Variants in NKD1 observed in about 807,000 individuals in gnomAD.
The protein encoded by NKD1 is protein naked cuticle homolog 1.
NKD1 carries 21 observed loss-of-function variants against 56.0 expected under a neutral mutation model. That is an observed-to-expected ratio of 0.38 (90% confidence interval 0.27 to 0.54). The LOEUF is 0.54. Ranked by LOEUF, NKD1 falls within the 20% of genes least tolerant of loss-of-function variation. The pLI is 0.82. For missense variants in NKD1, 578 were observed against 642.7 expected (o/e 0.90, Z 1.09); for synonymous variants, 263 against 265.7 (o/e 0.99, Z 0.10).
Position 50,639,822 on chromosome 16 carries a change from T to A in NKD1, c.*6041T>A, listed in dbSNP as rs992823005. ...CCTGGTGCATGGACCACACACTCTC[T>A]TCCCTCCTCTGGCTCAGGACTACGG... is the stretch of plus-strand genomic sequence containing the variant. On this transcript the variant is annotated 3_prime_UTR_variant, in exon 10 of 10. Transcript: ENST00000268459. 5.3e-5 allele frequency: 8 copies of A among 152,266 alleles called. No individual in the cohort carries two copies. The highest frequency in any genetic ancestry group is 1.9e-4 in the African/African-American group (8 of 41,446). 9.4% of individuals were successfully genotyped at this position (152,266 alleles called of 1,614,324 possible). A position where few individuals can be genotyped will look rare whatever the true frequency, so the allele number is the denominator to read the frequency against.
intron 3 of NKD1, among the ~76,000 whole-genome samples, chr16:50,578,315 GC>G: frequency 6.6e-6 from 1 of 152,322 alleles, no homozygotes; most frequent in Non-Finnish European, 1.5e-5. Context: ...TGAAAGAGGT[GC>G]TGGGAAATGT....
chr16:50,576,942 C>T lies in NKD1; in HGVS notation c.192+27387C>T, dbSNP rs142953890. ...TCAGTGATGAGAGGCCCCTGCTGGG[C>T]CCTGTGAGACTGCACTGATGGATGG... On this transcript the variant is annotated intron_variant, in intron 3 of 9. Coordinates refer to ENST00000268459, the MANE Select transcript of NKD1 (RefSeq NM_033119.5). Among the ~76,000 whole-genome samples, 373 of 152,288 alleles carry T rather than the reference C, an allele frequency of 2.4e-3. 1 individual carries two copies. The highest frequency in any genetic ancestry group is 3.9e-3 in the Non-Finnish European group (262 of 68,034).
At chr16:50,604,013 G>T (rs1234848638) in intron 3 of NKD1, among the ~76,000 whole-genome samples, 1 of 152,252 alleles carries the variant, frequency 6.6e-6, no homozygotes, top group Non-Finnish European at 1.5e-5. Context: ...TGGAGACCCA[G>T]GAAGGTCTTT....
chr16:50,579,229 G>A (rs1961057303), intron 3 of NKD1, among the ~76,000 whole-genome samples: 1 of 149,432 alleles, frequency 6.7e-6, no homozygotes, highest in African/African-American at 2.5e-5. Context: ...CGCCACGCAT[G>A]CACTGTCTTA....
chr16:50,630,146 A>C lies in NKD1; in HGVS notation c.463-40A>C, dbSNP rs879077087. 9 of 1,602,638 alleles carry C rather than the reference A, an allele frequency of 5.6e-6. No homozygotes were observed. The South Asian group carries it at 7.8e-5, about 14-fold the overall frequency. On this transcript the variant is annotated intron_variant, in intron 6 of 9. Coordinates refer to ENST00000268459, the MANE Select transcript of NKD1 (RefSeq NM_033119.5). ...TGGTTTGTATTTTCAAGGCCCTGTG[A>C]CTGAAACCCTGCATGGGTCTCCGCT...
intron 4 of NKD1, among the ~76,000 whole-genome samples, chr16:50,616,590 G>T (rs1372889401): frequency 6.6e-6 from 1 of 152,192 alleles, no homozygotes; most frequent in Non-Finnish European, 1.5e-5. Flanking sequence ...GTGCACGTAT[G>T]GGAAGTGCTA....
In NKD1 at chr16:50,633,351, T is replaced by A. The variant is rs1962390646; in HGVS notation, c.983T>A (p.Val328Asp). 2 of 1,613,730 alleles carry A rather than the reference T, an allele frequency of 1.2e-6. No homozygotes were observed. Among genetic ancestry groups the A allele is most frequent in the African/African-American group, 1.3e-5 (1 of 74,796 alleles). The change falls in exon 10 of 10, where the codon GTC (valine) becomes GAC (aspartate). Residue 328 changes from valine to aspartate, a missense_variant. Transcript: ENST00000268459. The surrounding 1 kb of genome is among the most constrained non-coding windows in gnomAD (Gnocchi z 4.9). ...FHFLDTPIAK[V>D]SELQQRLRGT... ...TTCCTTGACACCCCAATCGCCAAGGTCTCAGAGCTCCAGCAACGGCTCCGG... is the reference window on the plus strand; with the variant it reads ...TTCCTTGACACCCCAATCGCCAAGGACTCAGAGCTCCAGCAACGGCTCCGG...
chr16:50,624,022 G>T (rs1054897483), intron 5 of NKD1, among the ~76,000 whole-genome samples: 1 of 152,064 alleles, frequency 6.6e-6, no homozygotes, highest in African/African-American at 2.4e-5. Flanking sequence ...AAATGGCTTA[G>T]AGCTGCAGCA....
chr16:50,591,807 G>T (rs1961372962), intron 3 of NKD1, among the ~76,000 whole-genome samples: 1 of 152,218 alleles, frequency 6.6e-6, no homozygotes, highest in African/African-American at 2.4e-5. Flanking sequence ...CCTGGGCTGG[G>T]GTGCGAGCCA....
intron 3 of NKD1, among the ~76,000 whole-genome samples, chr16:50,564,053 G>C (rs1417085408): frequency 2.0e-5 from 3 of 152,274 alleles, no homozygotes; most frequent in Admixed American, 6.5e-5. Flanking sequence ...GTGATTCACA[G>C]CAGGTGGTCA....
chr16:50,549,688 C>G (rs559750260), intron 3 of NKD1, 133 bp downstream of exon 3: 8 of 915,038 alleles, frequency 8.7e-6, no homozygotes, highest in African/African-American at 1.7e-5. Flanking sequence ...CTCAGCTGCC[C>G]CCTGCCCCAC....
At chr16:50,582,898 T>C (rs1961147984) in intron 3 of NKD1, among the ~76,000 whole-genome samples, 1 of 152,168 alleles carries the variant, frequency 6.6e-6, no homozygotes, top group Non-Finnish European at 1.5e-5. Context: ...TCCCAGCTAC[T>C]TGGGAGGCTG....
chr16:50,573,978 T>C (rs1960940541), intron 3 of NKD1: 1 of 976,896 alleles, frequency 1.0e-6, no homozygotes, highest in Non-Finnish European at 1.2e-6. Context: ...TATATGTATG[T>C]ATATATAATG....
At chr16:50,589,768 T>C (rs1476858025) in intron 3 of NKD1, among the ~76,000 whole-genome samples, 1 of 77,868 alleles carries the variant, frequency 1.3e-5, no homozygotes, top group Non-Finnish European at 2.5e-5. Context: ...TCTTCTCTCC[T>C]CTCCTCTCCT....
In NKD1 at chr16:50,642,784, G is replaced by A. The variant is rs1180379769; in HGVS notation, c.*9003G>A. 1.3e-5 allele frequency: 2 copies of A among 152,266 alleles called. No homozygotes were observed. The highest frequency in any genetic ancestry group is 1.3e-4 in the Admixed American group (2 of 15,288). The allele number at this position is 152,266 out of a possible 1,614,324, so 9.4% of individuals were successfully genotyped here. A position where few individuals can be genotyped will look rare whatever the true frequency, so the allele number is the denominator to read the frequency against. On this transcript the variant is annotated 3_prime_UTR_variant, in exon 10 of 10. Coordinates refer to ENST00000268459, the MANE Select transcript of NKD1 (RefSeq NM_033119.5). ...GTACCTGTCCTCCACCCCGGCTGCAGAGCCCCCAGTGAGACAGCTGCTGTG... is the reference window on the plus strand; with the variant it reads ...GTACCTGTCCTCCACCCCGGCTGCAAAGCCCCCAGTGAGACAGCTGCTGTG...
At chr16:50,570,560 G>A (rs1251964370) in intron 3 of NKD1, among the ~76,000 whole-genome samples, 1 of 152,200 alleles carries the variant, frequency 6.6e-6, no homozygotes, top group East Asian at 1.9e-4. Context: ...TAACCTCTCT[G>A]TGTCTCTGTT....
Position 50,621,585 on chromosome 16 carries a change from G to T in NKD1, c.260-17G>T. On this transcript the variant is annotated splice_polypyrimidine_tract_variant and intron_variant, in intron 4 of 9. Transcript: ENST00000268459. The stretch of plus-strand genomic sequence containing the variant: ...TGGACCCTGCTCCTAATGCTCCCTC[G>T]CCTGCCTCCCCGACAGTGGCCCTGC... 6.3e-7 allele frequency: 1 copy of T among 1,598,914 alleles called. No individual in the cohort carries two copies. Among genetic ancestry groups the T allele is most frequent in the Non-Finnish European group, 8.6e-7 (1 of 1,167,626 alleles).
At chr16:50,628,321 G>T (rs1412762207) in intron 6 of NKD1, among the ~76,000 whole-genome samples, 1 of 152,202 alleles carries the variant, frequency 6.6e-6, no homozygotes, top group Non-Finnish European at 1.5e-5. Context: ...CAGGGTCAGC[G>T]CCTCTGTCGG....
intron 3 of NKD1, among the ~76,000 whole-genome samples, chr16:50,594,706 C>CCTCTA: frequency 6.6e-6 from 1 of 152,210 alleles, no homozygotes; most frequent in South Asian, 2.1e-4. Context: ...GGTGGGGACA[C>CCTCTA]GGCAGTTCTC....
Sources: gnomAD v4.1 joint callset for allele counts (sites outside exome capture counted in the v4.1 genomes callset) on GRCh38, gnomAD v4.1.1 for gene constraint, Gnocchi (gnomAD v3.1) non-coding constraint, MANE v1.5 for transcripts, NCBI Gene and HGNC (gene_info 2026-07-23, HGNC 2026-07-21) for gene names.